GTF2H4: variants seen among roughly 807,000 people sequenced by gnomAD.
The protein encoded by GTF2H4 is general transcription factor IIH subunit 4, also known as BTF2 p52.
Under a neutral mutation model 62.2 loss-of-function variants are expected in GTF2H4, and 49 were observed. The observed-to-expected ratio is 0.79, with a 90% CI of 0.63 to 1.00. The LOEUF (loss-of-function observed/expected upper bound fraction) is 1.00. GTF2H4 is among the 50% of genes least tolerant of loss of function. GTF2H4 has a pLI of 0.00. For missense variants in GTF2H4, 479 were observed against 587.8 expected, an observed-to-expected ratio of 0.81 and a Z score of 1.91; for synonymous variants, 189 against 233.8, an observed-to-expected ratio of 0.81 and a Z score of 1.75.
In GTF2H4 at chr6:30,911,931, T is replaced by G. The variant is rs1331200408; in HGVS notation, c.826-83T>G. Reference sequence around the variant, plus strand: ...AAGTTGGGGGTTGAGGTTCTGCATCTTGGGAGGGATCTGATATTTCAGGCA... The same window carrying G: ...AAGTTGGGGGTTGAGGTTCTGCATCGTGGGAGGGATCTGATATTTCAGGCA... On this transcript the variant is annotated intron_variant, in intron 9 of 13. Coordinates refer to ENST00000259895, the MANE Select transcript of GTF2H4 (RefSeq NM_001517.5). The surrounding 1 kb of genome is among the most constrained non-coding windows in gnomAD (Gnocchi z 4.3). 2.1e-5 allele frequency: 33 copies of G among 1,544,464 alleles called. No homozygotes were observed. Among genetic ancestry groups the G allele is most frequent in the Non-Finnish European group, 2.9e-5 (33 of 1,131,484 alleles).
At position 30,910,403 on chromosome 6, in the gene GTF2H4, C is replaced by G. The variant is rs998062239; in HGVS notation, c.375-262C>G. 6.6e-6 allele frequency among the ~76,000 whole-genome samples: 1 copy of G among 152,134 alleles called. No individual in the cohort carries two copies. Among genetic ancestry groups the G allele is most frequent in the Non-Finnish European group, 1.5e-5 (1 of 68,028 alleles). On this transcript the variant is annotated intron_variant, in intron 4 of 13. Transcript: ENST00000259895. This position sits in a 1 kb window ranked among gnomAD's most constrained non-coding sequence, Gnocchi z 4.7. ...AGAGTGCAGTGGTGTAATCTTGACTCACGGCAGCCTCTACCTCCTGGGTTC... is the reference window on the plus strand; with the variant it reads ...AGAGTGCAGTGGTGTAATCTTGACTGACGGCAGCCTCTACCTCCTGGGTTC...
At position 30,912,467 on chromosome 6, in the gene GTF2H4, A is replaced by G; in HGVS notation, c.1089+9A>G. On this transcript the variant is annotated intron_variant, in intron 11 of 13. Coordinates refer to ENST00000259895, the MANE Select transcript of GTF2H4 (RefSeq NM_001517.5). This position sits in a 1 kb window ranked among gnomAD's most constrained non-coding sequence, Gnocchi z 4.8. ...GCATCACAGCCCAGCAGGTATTCCC[A>G]CTTGGGAGAGGTGGAGCAGGAAGAC... 1 of 1,611,834 alleles carries G rather than the reference A, an allele frequency of 6.2e-7. No individual in the cohort carries two copies. Among genetic ancestry groups the G allele is most frequent in the South Asian group, 1.1e-5 (1 of 91,054 alleles).
Position 30,910,589 on chromosome 6 carries a change from C to T in GTF2H4, c.375-76C>T. On this transcript the variant is annotated intron_variant, in intron 4 of 13. Transcript: ENST00000259895. The surrounding 1 kb of genome is among the most constrained non-coding windows in gnomAD (Gnocchi z 4.7). ...CAAGTGATCCGCCCATCTCGGCCTC[C>T]CAAAGTACAGGGATTACAGGTGTGA... 1 of 1,091,066 alleles carries T rather than the reference C, an allele frequency of 9.2e-7. No individual in the cohort carries two copies. The highest frequency in any genetic ancestry group is 1.4e-6 in the Non-Finnish European group (1 of 710,922). 67.6% of individuals were successfully genotyped at this position (1,091,066 alleles called of 1,614,324 possible).
rs904482920 is a variant in GTF2H4 at position 30,909,570 on chromosome 6, C to T, written c.242+31C>T. 7.4e-7 allele frequency: 1 copy of T among 1,346,470 alleles called. No individual in the cohort carries two copies. Among genetic ancestry groups the T allele is most frequent in the Non-Finnish European group, 1.1e-6 (1 of 937,792 alleles). The allele number at this position is 1,346,470 out of a possible 1,614,324, so 83.4% of individuals were successfully genotyped here. On this transcript the variant is annotated intron_variant, in intron 3 of 13. Transcript: ENST00000259895. The surrounding 1 kb of genome is among the most constrained non-coding windows in gnomAD (Gnocchi z 4.3). Reference sequence around the variant, plus strand: ...TCTCAGCCAGATACAAATTTCTCAACAGCTACATTTCCCAAACTGCTGTTC... The same window carrying T: ...TCTCAGCCAGATACAAATTTCTCAATAGCTACATTTCCCAAACTGCTGTTC...
At position 30,911,347 on chromosome 6, in the gene GTF2H4, T is replaced by G; in HGVS notation, c.672+78T>G. 6.6e-7 allele frequency: 1 copy of G among 1,519,204 alleles called. No homozygotes were observed. Among genetic ancestry groups the G allele is most frequent in the South Asian group, 1.1e-5 (1 of 89,182 alleles). The allele number at this position is 1,519,204 out of a possible 1,614,324, so 94.1% of individuals were successfully genotyped here. On this transcript the variant is annotated intron_variant, in intron 7 of 13. Coordinates refer to ENST00000259895, the MANE Select transcript of GTF2H4 (RefSeq NM_001517.5). This position sits in a 1 kb window ranked among gnomAD's most constrained non-coding sequence, Gnocchi z 4.3. ...TGAGAGACTCCTGCCTACAGACTGT[T>G]CCCTGATTTTCTCTTCTCTGTCCCT...
rs1793715414 is a variant in GTF2H4 at position 30,910,492 on chromosome 6, G to T, written c.375-173G>T. On this transcript the variant is annotated intron_variant, in intron 4 of 13. Transcript: ENST00000259895. This position sits in a 1 kb window ranked among gnomAD's most constrained non-coding sequence, Gnocchi z 4.7. ...TTACAGGCACCCACCACGACGCCAG[G>T]CTAATTTTTTGTATTTTTAGTAGAG... The T allele has an allele frequency of 3.1e-6, 2 of 652,718 alleles. No individual in the cohort carries two copies. The highest frequency in any genetic ancestry group is 5.6e-6 in the Non-Finnish European group (2 of 357,830). 40.4% of individuals were successfully genotyped at this position (652,718 alleles called of 1,614,324 possible).
chr6:30,912,020 T>C lies in GTF2H4; in HGVS notation c.832T>C (p.Ser278Pro). 3.7e-6 allele frequency: 6 copies of C among 1,612,786 alleles called. No individual in the cohort carries two copies. Among genetic ancestry groups the C allele is most frequent in the Non-Finnish European group, 5.1e-6 (6 of 1,179,958 alleles). Residue 278 changes from serine (S) to proline (P), a missense_variant, in exon 10 of 14, where the codon TCT (serine) becomes CCT (proline). By Grantham distance (74) the Ser-to-Pro change is moderately conservative. Coordinates refer to ENST00000259895, the MANE Select transcript of GTF2H4 (RefSeq NM_001517.5). This position sits in a 1 kb window ranked among gnomAD's most constrained non-coding sequence, Gnocchi z 4.8. ...FGLVFQRKRKSRRYYPTRLAI... is the reference protein window; with the variant it reads ...FGLVFQRKRKPRRYYPTRLAI... ...GCCTTTCTATTCTTTTCAGAGGAAA[T>C]CTCGGCGTTACTACCCCACACGCCT...
At position 30,911,486 on chromosome 6, in the gene GTF2H4, C is replaced by G; in HGVS notation, c.728C>G (p.Ser243Cys). 1 of 1,613,980 alleles carries G rather than the reference C, an allele frequency of 6.2e-7. No homozygotes were observed. The highest frequency in any genetic ancestry group is 8.5e-7 in the Non-Finnish European group (1 of 1,179,858). ...TCCTTCCTCTTCCAGCTCAGCTTCT[C>G]TACTCTGGGCAAGGTAAGCAGGGGG... is the stretch of plus-strand genomic sequence containing the variant. ...ILSFLFQLSF[S>C]TLGKDYSVEG... Residue 243 changes from serine (S) to cysteine (C), a missense_variant, in exon 8 of 14, where the codon TCT becomes TGT. Transcript: ENST00000259895. The surrounding 1 kb of genome is among the most constrained non-coding windows in gnomAD (Gnocchi z 4.3).
chr6:30,910,951 C>A lies in GTF2H4; in HGVS notation c.560+10C>A. On this transcript the variant is annotated intron_variant, in intron 6 of 13. Coordinates refer to ENST00000259895, the MANE Select transcript of GTF2H4 (RefSeq NM_001517.5). The surrounding 1 kb of genome is among the most constrained non-coding windows in gnomAD (Gnocchi z 4.7). ...CTGGGCTCATGAAGAGGTGAGGAAG[C>A]CGGAGGTACAGCAGCTCTCTGCTGT... 6.3e-7 allele frequency: 1 copy of A among 1,593,520 alleles called. No homozygotes were observed. Among genetic ancestry groups the A allele is most frequent in the Non-Finnish European group, 8.6e-7 (1 of 1,168,634 alleles).
At position 30,910,559 on chromosome 6, in the gene GTF2H4, G is replaced by A; in HGVS notation, c.375-106G>A. 1.2e-6 allele frequency: 1 copy of A among 804,182 alleles called. No homozygotes were observed. The highest frequency in any genetic ancestry group is 2.2e-6 in the Non-Finnish European group (1 of 462,158). 49.8% of individuals were successfully genotyped at this position (804,182 alleles called of 1,614,324 possible). A position where few individuals can be genotyped will look rare whatever the true frequency, so the allele number is the denominator to read the frequency against. On this transcript the variant is annotated intron_variant, in intron 4 of 13. Transcript: ENST00000259895. The surrounding 1 kb of genome is among the most constrained non-coding windows in gnomAD (Gnocchi z 4.7). ...TTGGCCAGGCTGGTCTTGAACTCCT[G>A]ACCTCAAGTGATCCGCCCATCTCGG...
chr6:30,913,207 A>G lies in GTF2H4; in HGVS notation c.1137+50A>G. ...GAGGCTGGCAGCTGGTGATGACATG[A>G]TGGAAAAGAAAAAGGGGCATCCAAA... is the stretch of plus-strand genomic sequence containing the variant. On this transcript the variant is annotated intron_variant, in intron 12 of 13. Transcript: ENST00000259895. The surrounding 1 kb of genome is among the most constrained non-coding windows in gnomAD (Gnocchi z 4.2). 6.2e-7 allele frequency: 1 copy of G among 1,613,510 alleles called. No homozygotes were observed. The highest frequency in any genetic ancestry group is 8.5e-7 in the Non-Finnish European group (1 of 1,179,540).
At position 30,913,856 on chromosome 6, in the gene GTF2H4, T is replaced by A; in HGVS notation, c.1262T>A (p.Leu421Gln). 6.2e-7 allele frequency: 1 copy of A among 1,607,450 alleles called. No homozygotes were observed. The highest frequency in any genetic ancestry group is 8.5e-7 in the Non-Finnish European group (1 of 1,177,092). ...CTGTCGCAAGTGGACTTTGAGCTGCTGCTGGCCCACGCGCGGGAGCTGGGC... is the reference window on the plus strand; with the variant it reads ...CTGTCGCAAGTGGACTTTGAGCTGCAGCTGGCCCACGCGCGGGAGCTGGGC... Reference protein sequence around the residue: ...QFLSQVDFELLLAHARELGVL... With the variant: ...QFLSQVDFELQLAHARELGVL... The change falls in exon 14 of 14, where the codon CTG (leucine) becomes CAG (glutamine). Residue 421 changes from leucine to glutamine, a missense_variant. Leu to Gln is a moderately radical substitution (Grantham distance 113). Coordinates refer to ENST00000259895, the MANE Select transcript of GTF2H4 (RefSeq NM_001517.5). This position sits in a 1 kb window ranked among gnomAD's most constrained non-coding sequence, Gnocchi z 4.2.
rs1793922605 is a variant in GTF2H4 at position 30,913,747 on chromosome 6, A to G, written c.1217-64A>G. 2 of 1,431,312 alleles carry G rather than the reference A, an allele frequency of 1.4e-6. No homozygotes were observed. Among genetic ancestry groups the G allele is most frequent in the East Asian group, 2.5e-5 (1 of 39,580 alleles). The allele number at this position is 1,431,312 out of a possible 1,614,324, so 88.7% of individuals were successfully genotyped here. A position where few individuals can be genotyped will look rare whatever the true frequency, so the allele number is the denominator to read the frequency against. Reference sequence around the variant, plus strand: ...CACCAAGGAGCTGGGGGGATTCCCAATAGGAGCTCCGAGCTTCACTTTCTC... The same window carrying G: ...CACCAAGGAGCTGGGGGGATTCCCAGTAGGAGCTCCGAGCTTCACTTTCTC... On this transcript the variant is annotated intron_variant, in intron 13 of 13. Coordinates refer to ENST00000259895, the MANE Select transcript of GTF2H4 (RefSeq NM_001517.5). The surrounding 1 kb of genome is among the most constrained non-coding windows in gnomAD (Gnocchi z 4.2).
chr6:30,913,710 G>A lies in GTF2H4; in HGVS notation c.1217-101G>A. ...TGCGGTGGGGGCAAGCCCAGACCGC[G>A]TCCAGGGCTGCCACCAAGGAGCTGG... On this transcript the variant is annotated intron_variant, in intron 13 of 13. Coordinates refer to ENST00000259895, the MANE Select transcript of GTF2H4 (RefSeq NM_001517.5). This position sits in a 1 kb window ranked among gnomAD's most constrained non-coding sequence, Gnocchi z 4.2. 1 of 1,189,892 alleles carries A rather than the reference G, an allele frequency of 8.4e-7. No individual in the cohort carries two copies. Among genetic ancestry groups the A allele is most frequent in the Non-Finnish European group, 1.2e-6 (1 of 865,166 alleles). 73.7% of individuals were successfully genotyped at this position (1,189,892 alleles called of 1,614,324 possible).
Position 30,913,339 on chromosome 6 carries a change from C to T in GTF2H4, c.1168C>T (p.Gln390Ter). 1 of 1,613,430 alleles carries T rather than the reference C, an allele frequency of 6.2e-7. No individual in the cohort carries two copies. Among genetic ancestry groups the T allele is most frequent in the Non-Finnish European group, 8.5e-7 (1 of 1,180,022 alleles). Residue 390 changes from glutamine (Q) to a stop codon, truncating the protein, a stop_gained, in exon 13 of 14, where the codon CAG (glutamine) becomes TAG (stop). Transcript: ENST00000259895. LOFTEE classifies it high-confidence loss of function. This position sits in a 1 kb window ranked among gnomAD's most constrained non-coding sequence, Gnocchi z 4.2. ...TPVLPPTITD[Q>*]IRLWELERDR... ...TGTGCTGCCCCCCACCATCACCGAC[C>T]AGATCCGGCTCTGGGAGCTGGAAAG...
At position 30,912,289 on chromosome 6, in the gene GTF2H4, G is replaced by A; in HGVS notation, c.959-39G>A. On this transcript the variant is annotated intron_variant, in intron 10 of 13. Transcript: ENST00000259895. This position sits in a 1 kb window ranked among gnomAD's most constrained non-coding sequence, Gnocchi z 4.8. The stretch of plus-strand genomic sequence containing the variant: ...GAAGGGCTTGAGGGAGTCTGGGTGT[G>A]GGGGTGGCCTCCTCATCCTCTTTCT... 6.2e-7 allele frequency: 1 copy of A among 1,610,854 alleles called. No homozygotes were observed. Among genetic ancestry groups the A allele is most frequent in the Non-Finnish European group, 8.5e-7 (1 of 1,178,700 alleles).
In GTF2H4 at chr6:30,911,299, G is replaced by A; in HGVS notation, c.672+30G>A. 6.4e-7 allele frequency: 1 copy of A among 1,560,524 alleles called. No homozygotes were observed. The highest frequency in any genetic ancestry group is 8.8e-7 in the Non-Finnish European group (1 of 1,132,628). On this transcript the variant is annotated intron_variant, in intron 7 of 13. Transcript: ENST00000259895. The surrounding 1 kb of genome is among the most constrained non-coding windows in gnomAD (Gnocchi z 4.3). ...GGAGGCAGGGCCACTTAACCAGCAT[G>A]CTCTGCTCCTCTCAGGTCTCACTGA...
Position 30,909,302 on chromosome 6 carries a change from G to GTT in GTF2H4, c.137+130_137+131insTT. 7.8e-7 allele frequency: 1 copy of GTT among 1,289,030 alleles called. No individual in the cohort carries two copies. The highest frequency in any genetic ancestry group is 1.1e-6 in the Non-Finnish European group (1 of 930,080). The allele number at this position is 1,289,030 out of a possible 1,614,324, so 79.8% of individuals were successfully genotyped here. On this transcript the variant is annotated intron_variant, in intron 2 of 13. Transcript: ENST00000259895. This position sits in a 1 kb window ranked among gnomAD's most constrained non-coding sequence, Gnocchi z 4.3. ...GGCAAGGGTTGGAAATTGCTCTAAA[G>GTT]TGTGGAGGCCAAAACAGCAGGACTG...
rs748430081 is a variant in GTF2H4, at chr6:30,913,928, C to T, written c.1334C>T (p.Pro445Leu). The change falls in exon 14 of 14, where the codon CCG becomes CTG. Residue 445 changes from proline (P) to leucine (L), a missense_variant. Coordinates refer to ENST00000259895, the MANE Select transcript of GTF2H4 (RefSeq NM_001517.5). This position sits in a 1 kb window ranked among gnomAD's most constrained non-coding sequence, Gnocchi z 4.2. Reference protein sequence around the residue: ...NSAKRLMVVTPAGHSDVKRFW... With the variant: ...NSAKRLMVVTLAGHSDVKRFW... ...GCCAAGCGGCTCATGGTGGTGACCC[C>T]GGCCGGGCACAGCGACGTCAAGCGC... The T allele has an allele frequency of 3.7e-6, 6 of 1,607,738 alleles. No individual in the cohort carries two copies. The Admixed American group carries it at 5.0e-5, about 13-fold the overall frequency.
Sources: allele counts gnomAD v4.1 joint callset (sites outside exome capture counted in the v4.1 genomes callset), GRCh38; gene constraint gnomAD v4.1.1; non-coding constraint Gnocchi (gnomAD v3.1); transcripts MANE v1.5; gene names NCBI Gene and HGNC (gene_info 2026-07-23, HGNC 2026-07-21).